Variants in DACH2 observed in about 807,000 individuals in gnomAD.
DACH2 encodes the protein dachshund family transcription factor 2, also known as dachshund homolog 2.
Under a neutral mutation model 35.8 loss-of-function variants are expected in DACH2, and 17 were observed. That is an observed-to-expected ratio of 0.48 (90% confidence interval 0.33 to 0.71). DACH2 has a LOEUF of 0.71. DACH2 is among the 30% of genes least tolerant of loss of function. The pLI is 0.02. For missense variants in DACH2, 469 were observed against 472.7 expected (o/e 0.99, Z 0.07); for synonymous variants, 195 against 177.3 (o/e 1.10, Z -0.79).
intron 7 of DACH2, among the ~76,000 whole-genome samples, chrX:86,751,790 A>G (rs759289588): frequency 5.4e-5 from 6 of 112,044 alleles, no homozygotes; most frequent in African/African-American, 1.9e-4. Flanking sequence ...ATGCAGTCAT[A>G]TGTTTATTGC....
At chrX:86,241,265 C>A (rs2033160689) in intron 1 of DACH2, among the ~76,000 whole-genome samples, 1 of 111,855 alleles carries the variant, frequency 8.9e-6, no homozygotes. Flanking sequence ...TCAGTGGCCT[C>A]AGATGGAGAT....
In DACH2 at chrX:86,712,566, G is replaced by A. The variant is rs10126544; in HGVS notation, c.932-1982G>A. ...TGTGTACACATATATAATATATAAT[G>A]GGATCATTTTGTATTCCATAAGTAT... On this transcript the variant is annotated intron_variant, in intron 5 of 11. Transcript: ENST00000373125. Among the ~76,000 whole-genome samples, 599 of 110,398 alleles carry A rather than the reference G, an allele frequency of 5.4e-3. 5 individuals carry two copies. Among genetic ancestry groups the A allele is most frequent in the African/African-American group, 0.018 (560 of 30,407 alleles).
At chrX:86,572,516 C>T (rs1459090909) in intron 3 of DACH2, among the ~76,000 whole-genome samples, 5 of 111,463 alleles carry the variant, frequency 4.5e-5, no homozygotes, top group African/African-American at 1.3e-4. Context: ...CTTTTTCATT[C>T]TGTATATCTT....
At chrX:86,491,872 T>G (rs2038098100) in intron 2 of DACH2, among the ~76,000 whole-genome samples, 1 of 111,552 alleles carries the variant, frequency 9.0e-6, no homozygotes, top group Admixed American at 9.6e-5. Context: ...GATGAGGGAG[T>G]TCCATTAAAT....
At chrX:86,510,163 C>T (rs1569424557) in intron 2 of DACH2, among the ~76,000 whole-genome samples, 1 of 112,040 alleles carries the variant, frequency 8.9e-6, no homozygotes, top group Non-Finnish European at 1.9e-5. Context: ...AATTAATTAA[C>T]TGGATTTTTT....
At chrX:86,774,310 C>A (rs2042011760) in intron 7 of DACH2, among the ~76,000 whole-genome samples, 1 of 111,967 alleles carries the variant, frequency 8.9e-6, no homozygotes, top group African/African-American at 3.2e-5. Flanking sequence ...CCTTTTAAAA[C>A]ATGAACATTA....
At chrX:86,251,571 T>C (rs907500671) in intron 1 of DACH2, among the ~76,000 whole-genome samples, 2 of 111,652 alleles carry the variant, frequency 1.8e-5, no homozygotes, top group East Asian at 5.6e-4. Context: ...CTTCCAATTA[T>C]GAGTGAGAAC....
At chrX:86,447,150 T>A (rs1477448208) in intron 2 of DACH2, among the ~76,000 whole-genome samples, 1 of 100,563 alleles carries the variant, frequency 9.9e-6, no homozygotes, top group Non-Finnish European at 2.0e-5. Flanking sequence ...TTTTTTGTTT[T>A]TTTCTTGTAA....
chrX:86,359,847 A>G (rs1386347380), intron 1 of DACH2, among the ~76,000 whole-genome samples: 2 of 111,075 alleles, frequency 1.8e-5, no homozygotes, highest in Admixed American at 1.9e-4. Context: ...CTGCCCAGCG[A>G]GTACATTTGA....
chrX:86,229,846 G>A (rs191207401), intron 1 of DACH2, among the ~76,000 whole-genome samples: 19,752 of 109,330 alleles, frequency 0.18, 4,334 homozygotes, highest in African/African-American at 0.62. Flanking sequence ...GAATTTTTTT[G>A]TCAGTTCTAG....
At chrX:86,290,279 T>C (rs2034252747) in intron 1 of DACH2, among the ~76,000 whole-genome samples, 1 of 62,947 alleles carries the variant, frequency 1.6e-5, no homozygotes, top group Non-Finnish European at 3.0e-5. Context: ...GTTTGTTTTT[T>C]TCTTGTAAAT....
chrX:86,566,986 C>T (rs182762011), intron 3 of DACH2, among the ~76,000 whole-genome samples: 32 of 111,716 alleles, frequency 2.9e-4, no homozygotes, highest in East Asian at 2.8e-3. Context: ...GTATGAACTC[C>T]GTTGACCAAA....
chrX:86,742,043 G>A (rs1329357939), intron 7 of DACH2, among the ~76,000 whole-genome samples: 1 of 110,496 alleles, frequency 9.1e-6, no homozygotes, highest in Non-Finnish European at 1.9e-5. Context: ...ACACTTAGAA[G>A]TAAAATCAAA....
At chrX:86,636,739 C>A (rs773160212) in intron 3 of DACH2, among the ~76,000 whole-genome samples, 1 of 110,848 alleles carries the variant, frequency 9.0e-6, no homozygotes, top group Non-Finnish European at 1.9e-5. Context: ...AAATGTAACA[C>A]CCCAAACTAT....
intron 2 of DACH2, among the ~76,000 whole-genome samples, chrX:86,397,049 A>G (rs1170302180): frequency 2.7e-5 from 3 of 109,983 alleles, no homozygotes; most frequent in Non-Finnish European, 1.9e-5. Flanking sequence ...ATTTGTTTGT[A>G]TCCTCTTTTA....
intron 7 of DACH2, among the ~76,000 whole-genome samples, chrX:86,767,248 CAG>C (rs965547480): frequency 3.6e-5 from 4 of 111,702 alleles, no homozygotes; most frequent in African/African-American, 3.2e-5. Flanking sequence ...AAGGTGTAAA[CAG>C]GGGATTAACT....
chrX:86,640,225 C>T (rs1215945234), intron 3 of DACH2, among the ~76,000 whole-genome samples: 2 of 111,397 alleles, frequency 1.8e-5, no homozygotes, highest in Non-Finnish European at 3.8e-5. Context: ...ACAAACTCAG[C>T]AACTCCCTGG....
intron 4 of DACH2, among the ~76,000 whole-genome samples, chrX:86,667,809 G>T (rs1196555812): frequency 2.7e-5 from 3 of 111,981 alleles, no homozygotes; most frequent in African/African-American, 6.5e-5. Context: ...ATCTCCATGA[G>T]CTATATGGCT....
intron 2 of DACH2, among the ~76,000 whole-genome samples, chrX:86,416,498 G>A (rs2036705301): frequency 8.9e-6 from 1 of 112,149 alleles, no homozygotes; most frequent in Non-Finnish European, 1.9e-5. Context: ...AGACACTTGA[G>A]TGCCTTTAAA....
Sources: allele counts gnomAD v4.1 joint callset (sites outside exome capture counted in the v4.1 genomes callset), GRCh38; gene constraint gnomAD v4.1.1; transcripts MANE v1.5; gene names NCBI Gene and HGNC (gene_info 2026-07-23, HGNC 2026-07-21).